Variants in RIPOR3 observed in about 807,000 individuals in gnomAD.
RIPOR3 encodes the protein RIPOR family member 3.
A neutral mutation model predicts 114.3 loss-of-function variants in RIPOR3; 95 were observed. The observed-to-expected ratio is 0.83, with a 90% CI of 0.70 to 0.99. The LOEUF (loss-of-function observed/expected upper bound fraction) is 0.99. Among genes scored for constraint, RIPOR3 ranks in the 50% least tolerant of loss-of-function variants. The pLI, the probability that RIPOR3 is intolerant of heterozygous loss-of-function variation, is 0.00. For missense variants in RIPOR3, 1,252 were observed against 1,266.9 expected (o/e 0.99, Z 0.18); for synonymous variants, 575 against 543.8 (o/e 1.06, Z -0.80).
chr20:50,602,007 C>T lies in RIPOR3; in HGVS notation c.1659+65G>A, dbSNP rs2083511869. On this transcript the variant is annotated intron_variant, in intron 13 of 21. Coordinates refer to ENST00000327979, the MANE Select transcript of RIPOR3 (RefSeq NM_001290268.2). This position sits in a 1 kb window ranked among gnomAD's most constrained non-coding sequence, Gnocchi z 4.3. The stretch of plus-strand genomic sequence containing the variant: ...GGCCCAGGCTGCGTGGCCCCAGAGC[C>T]CCCGACTCCCAGTCATCATGCCATC... 7.1e-7 allele frequency: 1 copy of T among 1,409,416 alleles called. No homozygotes were observed. The allele number at this position is 1,409,416 out of a possible 1,614,324, so 87.3% of individuals were successfully genotyped here.
At position 50,620,769 on chromosome 20, in the gene RIPOR3, G is replaced by A. The variant is rs557439923; in HGVS notation, c.123-637C>T. 1.2e-4 allele frequency: 108 copies of A among 868,356 alleles called. No homozygotes were observed. In the East Asian group the frequency reaches 1.4e-3, roughly 11 times the overall value. The allele number at this position is 868,356 out of a possible 1,614,324, so 53.8% of individuals were successfully genotyped here. A position where few individuals can be genotyped will look rare whatever the true frequency, so the allele number is the denominator to read the frequency against. On this transcript the variant is annotated intron_variant, in intron 2 of 21. Transcript: ENST00000327979. ...TGGAGAGCAGCAGCCATGGCTCTGC[G>A]CTACCCTATGGCCATGGGCCTCAAC...
At chr20:50,640,584 A>C (rs1365787442) in intron 1 of RIPOR3, among the ~76,000 whole-genome samples, 1 of 148,796 alleles carries the variant, frequency 6.7e-6, no homozygotes, top group Non-Finnish European at 1.5e-5. Context: ...TGGTCACTGG[A>C]ATGAACTGCC....
intron 11 of RIPOR3, among the ~76,000 whole-genome samples, chr20:50,607,053 C>T (rs2083749285): frequency 6.6e-6 from 1 of 152,130 alleles, no homozygotes. Flanking sequence ...TAATAAAGTC[C>T]TGCTGCTTCA....
Position 50,670,997 on chromosome 20 carries a change from C to T in RIPOR3, c.3+20129G>A, listed in dbSNP as rs371612980. Among the ~76,000 whole-genome samples the T allele has an allele frequency of 3.9e-5, 6 of 151,940 alleles. No homozygotes were observed. In the East Asian group the frequency reaches 5.8e-4, roughly 15 times the overall value. On this transcript the variant is annotated intron_variant, in intron 1 of 21. Coordinates refer to ENST00000327979, the MANE Select transcript of RIPOR3 (RefSeq NM_001290268.2). ...GGCTGGAGTGCAGTGGTGTGATCTCCGCTCACTGCAACCTCCACCTCCCGG... is the reference window on the plus strand; with the variant it reads ...GGCTGGAGTGCAGTGGTGTGATCTCTGCTCACTGCAACCTCCACCTCCCGG...
chr20:50,613,276 CCT>C (rs1488705118), intron 4 of RIPOR3, among the ~76,000 whole-genome samples: 2 of 151,626 alleles, frequency 1.3e-5, no homozygotes, highest in Admixed American at 1.3e-4. Flanking sequence ...GGTGAAACCC[CCT>C]CTCTACTAAA....
chr20:50,654,525 A>C (rs1462399626), intron 1 of RIPOR3, among the ~76,000 whole-genome samples: 1 of 142,994 alleles, frequency 7.0e-6, no homozygotes, highest in Non-Finnish European at 1.5e-5. Flanking sequence ...CCCAGGAGGC[A>C]GAGTTTTTGT....
intron 1 of RIPOR3, among the ~76,000 whole-genome samples, chr20:50,666,006 C>T (rs1398041996): frequency 6.6e-6 from 1 of 151,466 alleles, no homozygotes; most frequent in African/African-American, 2.4e-5. Flanking sequence ...AGGGTCCCAT[C>T]CCTTGTAATG....
chr20:50,594,432 G>T (rs888942516), intron 17 of RIPOR3, 121 bp downstream of exon 17: 3 of 1,206,420 alleles, frequency 2.5e-6, no homozygotes, highest in East Asian at 2.4e-5. Context: ...CCGTCCGATG[G>T]CATGAAGACA....
chr20:50,608,320 CAG>C, intron 11 of RIPOR3, 67 bp downstream of exon 11: 1 of 1,599,694 alleles, frequency 6.3e-7, no homozygotes, highest in Non-Finnish European at 8.5e-7. Flanking sequence ...AACCCAGGGC[CAG>C]AGTGTGGCCA....
chr20:50,608,017 A>C (rs920042622), intron 11 of RIPOR3, among the ~76,000 whole-genome samples: 25 of 152,054 alleles, frequency 1.6e-4, no homozygotes, highest in Non-Finnish European at 1.5e-4. Flanking sequence ...GCCCCAGGCC[A>C]AGGGGGCAGC....
chr20:50,625,444 A>G (rs1322264797), intron 2 of RIPOR3, among the ~76,000 whole-genome samples: 1 of 152,194 alleles, frequency 6.6e-6, no homozygotes, highest in East Asian at 1.9e-4. Flanking sequence ...GCCCCCTGGT[A>G]CCGTCCAGGA....
intron 1 of RIPOR3, among the ~76,000 whole-genome samples, chr20:50,667,557 G>A (rs1010056101): frequency 6.6e-6 from 1 of 152,152 alleles, no homozygotes; most frequent in Non-Finnish European, 1.5e-5. Context: ...CTCCCAAAGT[G>A]CTGGGATTAC....
chr20:50,677,651 C>T (rs547382627), intron 1 of RIPOR3, among the ~76,000 whole-genome samples: 119 of 149,924 alleles, frequency 7.9e-4, no homozygotes, highest in African/African-American at 2.1e-3. Flanking sequence ...GGATTACAGG[C>T]GTGAGCCACC....
chr20:50,610,733 C>T, intron 6 of RIPOR3, 120 bp downstream of exon 6: 1 of 1,342,902 alleles, frequency 7.4e-7, no homozygotes. Context: ...GCAGCTGCCC[C>T]ATACCCAGAG....
intron 1 of RIPOR3, among the ~76,000 whole-genome samples, chr20:50,637,881 A>T (rs2085047585): frequency 6.6e-6 from 1 of 152,032 alleles, no homozygotes; most frequent in African/African-American, 2.4e-5. Flanking sequence ...TCTCAAAAAA[A>T]AATTTTTTTA....
chr20:50,688,474 A>C (rs923771864), intron 1 of RIPOR3, among the ~76,000 whole-genome samples: 3 of 152,210 alleles, frequency 2.0e-5, no homozygotes, highest in African/African-American at 7.2e-5. Context: ...TTTGTTTTTC[A>C]TAGAATTTAT....
At chr20:50,682,271 C>A (rs933566249) in intron 1 of RIPOR3, among the ~76,000 whole-genome samples, 7 of 152,166 alleles carry the variant, frequency 4.6e-5, no homozygotes, top group African/African-American at 1.4e-4. Context: ...AAGTGATAAG[C>A]AATTATATCA....
chr20:50,686,963 GA>G (rs1192558688), intron 1 of RIPOR3, among the ~76,000 whole-genome samples: 4 of 152,116 alleles, frequency 2.6e-5, no homozygotes, highest in Non-Finnish European at 5.9e-5. Context: ...CTTAAAACTG[GA>G]AAGGGCCCAC....
chr20:50,650,774 G>C (rs1252363314), intron 1 of RIPOR3, among the ~76,000 whole-genome samples: 2 of 152,092 alleles, frequency 1.3e-5, no homozygotes, highest in Admixed American at 6.6e-5. Flanking sequence ...CCCAGTCTCA[G>C]TGAGTGGAAT....
Sources: allele counts gnomAD v4.1 joint callset (sites outside exome capture counted in the v4.1 genomes callset), GRCh38; gene constraint gnomAD v4.1.1; non-coding constraint Gnocchi (gnomAD v3.1); transcripts MANE v1.5; gene names NCBI Gene and HGNC (gene_info 2026-07-23, HGNC 2026-07-21).